Variants in CHN2 observed in about 807,000 individuals in gnomAD.
The protein encoded by CHN2 is beta-chimaerin.
Under a neutral mutation model 56.3 loss-of-function variants are expected in CHN2, and 35 were observed. The observed-to-expected ratio is 0.62, with a 90% CI of 0.47 to 0.82. CHN2 has a LOEUF of 0.82. CHN2 is among the 40% of genes least tolerant of loss of function. The pLI, the probability that CHN2 is intolerant of heterozygous loss-of-function variation, is 0.00. For missense variants in CHN2, 491 were observed against 580.5 expected, an observed-to-expected ratio of 0.85 and a Z score of 1.58; for synonymous variants, 210 against 212.8, an observed-to-expected ratio of 0.99 and a Z score of 0.12.
rs956138834 is a variant in CHN2 at position 29,231,449 on chromosome 7, C to G, written c.49+36459C>G. On this transcript the variant is annotated intron_variant, in intron 1 of 12. Coordinates refer to ENST00000222792, the MANE Select transcript of CHN2 (RefSeq NM_004067.4). The stretch of plus-strand genomic sequence containing the variant: ...ACGTATCTGTCTTTACCGCATTACG[C>G]ATAGGCAGCCCATCCCCACCTTGTG... Among the ~76,000 whole-genome samples, 6 of 152,194 alleles carry G rather than the reference C, an allele frequency of 3.9e-5. 1 individual carries two copies. The highest frequency in any genetic ancestry group is 1.4e-4 in the African/African-American group (6 of 41,430).
chr7:29,242,740 C>T (rs1415416214), intron 1 of CHN2, among the ~76,000 whole-genome samples: 1 of 71,304 alleles, frequency 1.4e-5, no homozygotes, highest in Non-Finnish European at 2.7e-5. Context: ...GAAAAATATA[C>T]AGAACTGACT....
intron 1 of CHN2, among the ~76,000 whole-genome samples, chr7:29,286,049 T>G (rs1466819011): frequency 6.6e-6 from 1 of 152,170 alleles, no homozygotes; most frequent in African/African-American, 2.4e-5. Context: ...AGTCCATTTC[T>G]CTGCCTTCCC....
chr7:29,213,333 C>T, intron 1 of CHN2: 1 of 693,438 alleles, frequency 1.4e-6, no homozygotes, highest in Middle Eastern at 4.2e-4. Flanking sequence ...TTCTGGCTTC[C>T]ATTATGCCTA....
intron 2 of CHN2, 62 bp from the exon 3 acceptor site, chr7:29,367,870 G>A: frequency 7.2e-7 from 1 of 1,394,688 alleles, no homozygotes; most frequent in Non-Finnish European, 9.8e-7. Flanking sequence ...AAGGCACGTT[G>A]ATATGTGTTG....
chr7:29,439,537 T>G (rs1231699485), intron 6 of CHN2, among the ~76,000 whole-genome samples: 1 of 152,174 alleles, frequency 6.6e-6, no homozygotes, highest in Admixed American at 6.5e-5. Flanking sequence ...TAAGAAGGTC[T>G]TCTTCAGCTG....
At chr7:29,501,668 A>G (rs904828626) in intron 9 of CHN2, among the ~76,000 whole-genome samples, 2 of 152,150 alleles carry the variant, frequency 1.3e-5, no homozygotes, top group African/African-American at 2.4e-5. Context: ...AGAGCCCCAG[A>G]CAGGTATTAG....
chr7:29,290,890 A>G (rs1792552602), intron 1 of CHN2, among the ~76,000 whole-genome samples: 2 of 152,296 alleles, frequency 1.3e-5, no homozygotes, highest in African/African-American at 4.8e-5. Context: ...AACAAAAGGA[A>G]GTAAAGGACA....
At chr7:29,424,845 T>C (rs1211523218) in intron 6 of CHN2, among the ~76,000 whole-genome samples, 8 of 152,306 alleles carry the variant, frequency 5.3e-5, no homozygotes, top group African/African-American at 1.9e-4. Flanking sequence ...CCACCCTCCC[T>C]CACCTCCTTT....
At chr7:29,260,168 G>A (rs1789418740) in intron 1 of CHN2, among the ~76,000 whole-genome samples, 1 of 151,972 alleles carries the variant, frequency 6.6e-6, no homozygotes, top group Non-Finnish European at 1.5e-5. Flanking sequence ...GTAGAGACGG[G>A]GTTTCACCAT....
intron 9 of CHN2, among the ~76,000 whole-genome samples, chr7:29,504,311 TATCTC>T (rs1790313058): frequency 6.6e-6 from 1 of 152,176 alleles, no homozygotes; most frequent in Non-Finnish European, 1.5e-5. Flanking sequence ...TGTATCAAAA[TATCTC>T]ATATACCCCA....
intron 6 of CHN2, among the ~76,000 whole-genome samples, chr7:29,430,305 G>C (rs1263426598): frequency 6.6e-6 from 1 of 152,168 alleles, no homozygotes; most frequent in African/African-American, 2.4e-5. Context: ...TGGTCAACAA[G>C]TGCACAGGAA....
At chr7:29,323,719 T>C (rs1269511850) in intron 1 of CHN2, among the ~76,000 whole-genome samples, 3 of 151,990 alleles carry the variant, frequency 2.0e-5, no homozygotes, top group African/African-American at 7.2e-5. Context: ...GGGTTGAGGC[T>C]GGGCGCGGTG....
intron 1 of CHN2, among the ~76,000 whole-genome samples, chr7:29,352,589 G>T (rs1265198397): frequency 6.6e-6 from 1 of 152,020 alleles, no homozygotes; most frequent in Non-Finnish European, 1.5e-5. Context: ...TGGGTGTGGT[G>T]GCACACGCCT....
chr7:29,345,724 G>A (rs1320515363), intron 1 of CHN2, among the ~76,000 whole-genome samples: 1 of 152,072 alleles, frequency 6.6e-6, no homozygotes, highest in Non-Finnish European at 1.5e-5. Context: ...ATAAGTACCT[G>A]TTGAATGGGA....
chr7:29,493,681 C>T (rs2128564323), intron 7 of CHN2, among the ~76,000 whole-genome samples: 1 of 152,238 alleles, frequency 6.6e-6, no homozygotes, highest in African/African-American at 2.4e-5. Flanking sequence ...CAAAGGCCCA[C>T]ACTTCTACTG....
intron 1 of CHN2, among the ~76,000 whole-genome samples, chr7:29,289,624 C>A (rs1792428373): frequency 6.6e-6 from 1 of 152,088 alleles, no homozygotes; most frequent in Admixed American, 6.5e-5. Context: ...CATTATCCTG[C>A]GGGGTGGAGG....
intron 1 of CHN2, among the ~76,000 whole-genome samples, chr7:29,240,572 G>A (rs926879264): frequency 2.0e-5 from 3 of 152,126 alleles, no homozygotes; most frequent in African/African-American, 7.2e-5. Flanking sequence ...TATGTGCTGT[G>A]TGTACAGAAA....
At chr7:29,509,583 G>A (rs541320514) in intron 12 of CHN2, 177 bp downstream of exon 12, 12 of 503,182 alleles carry the variant, frequency 2.4e-5, no homozygotes, top group Admixed American at 6.6e-5. Flanking sequence ...GATGGCTCAC[G>A]CCTGTAATCC....
At chr7:29,435,441 A>G (rs545136898) in intron 6 of CHN2, among the ~76,000 whole-genome samples, 9 of 152,312 alleles carry the variant, frequency 5.9e-5, no homozygotes, top group African/African-American at 2.2e-4. Context: ...TCATGCAAAC[A>G]CCATAGAGTG....
Sources: allele counts gnomAD v4.1 joint callset (sites outside exome capture counted in the v4.1 genomes callset), GRCh38; gene constraint gnomAD v4.1.1; transcripts MANE v1.5; gene names NCBI Gene and HGNC (gene_info 2026-07-23, HGNC 2026-07-21).